Variants in DCAF8 observed in about 807,000 individuals in gnomAD.
The protein encoded by DCAF8 is DDB1- and CUL4-associated factor 8.
In DCAF8, 20 loss-of-function variants were observed where a neutral mutation model predicts 68.0. The observed-to-expected ratio is 0.29, with a 90% CI of 0.21 to 0.43. DCAF8 has a LOEUF of 0.43. Among genes scored for constraint, DCAF8 ranks in the 20% least tolerant of loss-of-function variants. DCAF8 has a pLI of 1.00. For missense variants in DCAF8, 460 were observed against 771.0 expected (o/e 0.60, Z 4.78); for synonymous variants, 230 against 276.9 (o/e 0.83, Z 1.68).
At chr1:160,225,737 G>C in intron 7 of DCAF8, 74 bp from the exon 8 acceptor site, 5 of 1,226,900 alleles carry the variant, frequency 4.1e-6, no homozygotes, top group Non-Finnish European at 5.9e-6. Flanking sequence ...TTGATGTAGT[G>C]GCAGGAAACT....
At chr1:160,239,602 A>G (rs746420106) in intron 4 of DCAF8, 95 bp downstream of exon 4, 3 of 1,612,532 alleles carry the variant, frequency 1.9e-6, no homozygotes, top group Non-Finnish European at 2.5e-6. Flanking sequence ...TAATTCCTAC[A>G]ATAACTCACT....
At chr1:160,219,257 T>A in intron 11 of DCAF8, 1 of 283,418 alleles carries the variant, frequency 3.5e-6, no homozygotes, top group Non-Finnish European at 6.6e-6. Flanking sequence ...CCAAGCTTAC[T>A]GCTGGCTTCG....
rs761989923 is a variant in DCAF8 at position 160,240,226 on chromosome 1, C to T, written c.194G>A (p.Arg65Gln). ...ACCTGAGCTCTCTGTGTCTGTGCCTCGACTTTCTGTGCTGGTGCGGTTGGG... is the reference window on the plus strand; with the variant it reads ...ACCTGAGCTCTCTGTGTCTGTGCCTTGACTTTCTGTGCTGGTGCGGTTGGG... ...GGPNRTSTES[R>Q]GTDTESSGED... Residue 65 changes from arginine to glutamine, a missense_variant, in exon 4 of 14, where the codon CGA (arginine) becomes CAA (glutamine). By Grantham distance (43) the Arg-to-Gln change is conservative. Around this residue, in one of 8 missense-constraint regions of DCAF8, gnomAD observed 156 missense variants for 181.4 expected, o/e 0.86. Transcript: ENST00000368074. 4 of 1,614,108 alleles carry T rather than the reference C, an allele frequency of 2.5e-6. No individual in the cohort carries two copies. The South Asian group carries it at 3.3e-5, about 13-fold the overall frequency.
chr1:160,242,423 T>C (rs929549227), intron 3 of DCAF8, among the ~76,000 whole-genome samples: 4 of 152,122 alleles, frequency 2.6e-5, no homozygotes, highest in African/African-American at 7.2e-5. Context: ...GGCTTGAGCT[T>C]GGGAGTGGTG....
At chr1:160,259,490 G>A (rs1037281511) in intron 2 of DCAF8, among the ~76,000 whole-genome samples, 9 of 151,934 alleles carry the variant, frequency 5.9e-5, no homozygotes, top group Non-Finnish European at 7.4e-5. Flanking sequence ...CTGAGATCGC[G>A]CCACAGCACC....
intron 2 of DCAF8, among the ~76,000 whole-genome samples, chr1:160,246,565 A>C (rs1656347132): frequency 6.6e-6 from 1 of 152,194 alleles, no homozygotes; most frequent in Non-Finnish European, 1.5e-5. Context: ...AAGGCTGAGA[A>C]AGGACTGCTT....
chr1:160,230,532 A>G (rs12728099), intron 7 of DCAF8, among the ~76,000 whole-genome samples: 1 of 152,234 alleles, frequency 6.6e-6, no homozygotes, highest in Non-Finnish European at 1.5e-5. Context: ...ATGGATAAAA[A>G]AAAGTGGTAG....
chr1:160,255,214 C>T (rs932100073), intron 2 of DCAF8, among the ~76,000 whole-genome samples: 6 of 152,184 alleles, frequency 3.9e-5, no homozygotes, highest in African/African-American at 7.2e-5. Flanking sequence ...TCATGTTCTA[C>T]GAACTGCAGT....
chr1:160,244,567 T>C (rs1034326763), intron 2 of DCAF8, among the ~76,000 whole-genome samples: 3 of 152,154 alleles, frequency 2.0e-5, no homozygotes, highest in East Asian at 1.9e-4. Context: ...GGGGAAGAGA[T>C]TGAGCTTTCT....
chr1:160,236,377 T>A, intron 6 of DCAF8, among the ~76,000 whole-genome samples: 1 of 151,818 alleles, frequency 6.6e-6, no homozygotes, highest in South Asian at 2.1e-4. Flanking sequence ...TAAACATATA[T>A]GTGTGTGTAT....
Position 160,244,015 on chromosome 1 carries a change from T to C in DCAF8, c.-7A>G. On this transcript the variant is annotated 5_prime_UTR_variant, in exon 3 of 14. Transcript: ENST00000368074. ...TGCTCCCTTTGCTGGACATCTTGAA[T>C]GATGTTTGCTGTAGCCAGCCTGGGT... 1 of 1,614,152 alleles carries C rather than the reference T, an allele frequency of 6.2e-7. No homozygotes were observed. The highest frequency in any genetic ancestry group is 8.5e-7 in the Non-Finnish European group (1 of 1,180,016).
At chr1:160,219,532 ATG>A in intron 11 of DCAF8, 1 of 153,264 alleles carries the variant, frequency 6.5e-6, no homozygotes, top group East Asian at 1.9e-4. Flanking sequence ...ATGGAGGCTC[ATG>A]TCTGCTTGAG....
chr1:160,258,335 C>G (rs1656922251), intron 2 of DCAF8, among the ~76,000 whole-genome samples: 1 of 152,066 alleles, frequency 6.6e-6, no homozygotes. Context: ...GAGTGAGATC[C>G]TATTTCAAAA....
intron 2 of DCAF8, among the ~76,000 whole-genome samples, chr1:160,250,518 A>G (rs1656543879): frequency 6.6e-6 from 1 of 151,866 alleles, no homozygotes; most frequent in South Asian, 2.1e-4. Flanking sequence ...GGGGAAAATC[A>G]TGCAAATTGT....
At chr1:160,250,201 T>C (rs1170483584) in intron 2 of DCAF8, among the ~76,000 whole-genome samples, 1 of 152,184 alleles carries the variant, frequency 6.6e-6, no homozygotes, top group Non-Finnish European at 1.5e-5. Flanking sequence ...CAGTGGCTCA[T>C]GCCTGTAATC....
At chr1:160,252,991 T>C (rs1402784138) in intron 2 of DCAF8, among the ~76,000 whole-genome samples, 1 of 152,204 alleles carries the variant, frequency 6.6e-6, no homozygotes, top group Non-Finnish European at 1.5e-5. Context: ...ACTTGTGAAT[T>C]ATCTGTACAG....
Position 160,215,978 on chromosome 1 carries a change from T to C in DCAF8, c.*1614A>G, listed in dbSNP as rs1655100423. On this transcript the variant is annotated 3_prime_UTR_variant, in exon 14 of 14. Coordinates refer to ENST00000368074, the MANE Select transcript of DCAF8 (RefSeq NM_015726.4). Reference sequence around the variant, plus strand: ...CTGGCCTGATTTAGAAGAATCTGACTGTCCCAGGATACAGAATTCTTGGTT... The same window carrying C: ...CTGGCCTGATTTAGAAGAATCTGACCGTCCCAGGATACAGAATTCTTGGTT... 1 of 152,168 alleles carries C rather than the reference T, an allele frequency of 6.6e-6. No homozygotes were observed. Among genetic ancestry groups the C allele is most frequent in the South Asian group, 2.1e-4 (1 of 4,832 alleles). 9.4% of individuals were successfully genotyped at this position (152,168 alleles called of 1,614,324 possible).
At chr1:160,249,930 T>G (rs1656508359) in intron 2 of DCAF8, among the ~76,000 whole-genome samples, 1 of 152,196 alleles carries the variant, frequency 6.6e-6, no homozygotes, top group Non-Finnish European at 1.5e-5. Context: ...TATAGTACTT[T>G]CTGGAAAAGA....
At chr1:160,224,309 C>G (rs1422539523) in intron 10 of DCAF8, 133 bp downstream of exon 10, 2 of 645,594 alleles carry the variant, frequency 3.1e-6, no homozygotes, top group Non-Finnish European at 5.3e-6. Flanking sequence ...AAACTCCAGC[C>G]CAATTCAGGA....
Sources: allele counts gnomAD v4.1 joint callset (sites outside exome capture counted in the v4.1 genomes callset), GRCh38; gene constraint gnomAD v4.1.1; regional missense constraint gnomAD v4.1.1; transcripts MANE v1.5; gene names NCBI Gene and HGNC (gene_info 2026-07-23, HGNC 2026-07-21).